The following OR7C1 variants were observed in gnomAD, a reference collection of about 807,000 sequenced individuals.
OR7C1 encodes olfactory receptor family 7 subfamily C member 1, also known as olfactory receptor 7C1.
For synonymous variants in OR7C1, 152 were observed against 160.7 expected, an observed-to-expected ratio of 0.95 and a Z score of 0.41; for missense variants, 324 against 383.3, an observed-to-expected ratio of 0.85 and a Z score of 1.29.
intron 1 of OR7C1, among the ~76,000 whole-genome samples, chr19:14,818,062 T>TTTTATTTTA (rs1555695178): frequency 0.12 from 16,628 of 139,312 alleles, 1,153 homozygotes; most frequent in East Asian, 0.32. Flanking sequence ...ATTTTATTTA[T>TTTTATTTTA]TTTATTTATT....
At chr19:14,824,424 T>G (rs971213938) in intron 1 of OR7C1, 3 of 152,238 alleles carry the variant, frequency 2.0e-5, no homozygotes, top group African/African-American at 7.2e-5. Flanking sequence ...CCCAACTTTA[T>G]GTCCGTGTGT....
At chr19:14,799,356 T>C in exon 5 of OR7C1, 2 of 1,614,112 alleles carry the variant, frequency 1.2e-6, no homozygotes, top group Middle Eastern at 1.6e-4. Flanking sequence ...GCTGCAGAAC[T>C]GAGATAGACC....
Position 14,834,400 on chromosome 19 carries a change from A to G in OR7C1, c.-623+674T>C, listed in dbSNP as rs541126758. 1.2e-4 allele frequency among the ~76,000 whole-genome samples: 19 copies of G among 152,326 alleles called. 1 individual carries two copies. In the South Asian group the frequency reaches 3.9e-3, roughly 32 times the overall value. ...CTGGGCTAGATCACTCTCTTTGATAAAGTCTATCCTATACACTGTGAGTTG... is the reference window on the plus strand; with the variant it reads ...CTGGGCTAGATCACTCTCTTTGATAGAGTCTATCCTATACACTGTGAGTTG... On this transcript the variant is annotated intron_variant, in intron 1 of 4. Coordinates refer to ENST00000641666, the Ensembl canonical transcript of OR7C1.
exon 5 of OR7C1, chr19:14,798,949 G>A (rs1449080992): frequency 4.4e-6 from 2 of 449,966 alleles, no homozygotes; most frequent in Non-Finnish European, 7.4e-6. Flanking sequence ...TTTTCAGGCT[G>A]TTCTTTGTTA....
At chr19:14,816,740 A>G (rs894608169) in intron 1 of OR7C1, among the ~76,000 whole-genome samples, 2 of 152,188 alleles carry the variant, frequency 1.3e-5, no homozygotes, top group Admixed American at 6.5e-5. Context: ...CACTTCATAT[A>G]TATATCTATC....
At chr19:14,814,968 C>CCGGCAAGCATTAAGTCACA (rs2044709633) in intron 1 of OR7C1, among the ~76,000 whole-genome samples, 1 of 152,140 alleles carries the variant, frequency 6.6e-6, no homozygotes, top group Non-Finnish European at 1.5e-5. Flanking sequence ...AACGCCATGC[C>CCGGCAAGCATTAAGTCACA]CGGCAAGCAT....
intron 1 of OR7C1, among the ~76,000 whole-genome samples, chr19:14,812,867 C>G (rs562249193): frequency 6.6e-6 from 1 of 151,396 alleles, no homozygotes; most frequent in Non-Finnish European, 1.5e-5. Flanking sequence ...AGTTCAAGAC[C>G]GGCCTTGCCA....
At chr19:14,811,968 A>G (rs546165938) in intron 1 of OR7C1, among the ~76,000 whole-genome samples, 10 of 151,936 alleles carry the variant, frequency 6.6e-5, no homozygotes, top group African/African-American at 1.9e-4. Context: ...CCCCTGCACT[A>G]AGTTATTTAC....
chr19:14,832,551 C>G (rs974399875), intron 1 of OR7C1, among the ~76,000 whole-genome samples: 6 of 151,716 alleles, frequency 4.0e-5, no homozygotes, highest in Middle Eastern at 6.3e-3. Context: ...CTCAACCTCC[C>G]AAGTAGCTGG....
chr19:14,799,986 A>G, exon 5 of OR7C1: 2 of 1,614,110 alleles, frequency 1.2e-6, no homozygotes, highest in Non-Finnish European at 1.7e-6. Flanking sequence ...TGGGAGTCTG[A>G]GCATATGGCC....
At chr19:14,828,285 C>G (rs201380372) in intron 1 of OR7C1, 1 of 1,563,402 alleles carries the variant, frequency 6.4e-7, no homozygotes, top group Non-Finnish European at 8.7e-7. Context: ...AAGAGGGAAA[C>G]GAGACAGGCA....
intron 1 of OR7C1, among the ~76,000 whole-genome samples, chr19:14,829,477 A>T (rs946668041): frequency 6.6e-6 from 1 of 152,210 alleles, no homozygotes; most frequent in South Asian, 2.1e-4. Flanking sequence ...TGCTGGGATT[A>T]TAGGCATGAG....
intron 1 of OR7C1, among the ~76,000 whole-genome samples, chr19:14,820,740 T>C (rs897752186): frequency 1.3e-5 from 2 of 152,172 alleles, no homozygotes; most frequent in Non-Finnish European, 2.9e-5. Flanking sequence ...AGGTAAGTCA[T>C]ATGAAGAAAA....
intron 1 of OR7C1, among the ~76,000 whole-genome samples, chr19:14,833,367 T>C (rs1359376555): frequency 6.6e-6 from 1 of 152,202 alleles, no homozygotes; most frequent in Non-Finnish European, 1.5e-5. Flanking sequence ...CAGTCCAAGC[T>C]ACTCAGGAGG....
intron 1 of OR7C1, among the ~76,000 whole-genome samples, chr19:14,812,840 G>A (rs1207422809): frequency 6.6e-6 from 1 of 151,884 alleles, no homozygotes; most frequent in Non-Finnish European, 1.5e-5. Context: ...GAGGCGGGTG[G>A]ATCACTTGAG....
intron 1 of OR7C1, chr19:14,827,829 G>A (rs780497335): frequency 6.2e-7 from 1 of 1,614,144 alleles, no homozygotes; most frequent in South Asian, 1.1e-5. Context: ...ACAGAGGTGA[G>A]GGTTCATAAT....
chr19:14,803,332 G>C (rs1391097244), intron 2 of OR7C1, among the ~76,000 whole-genome samples: 1 of 136,344 alleles, frequency 7.3e-6, no homozygotes. Flanking sequence ...AAAAAGAAAA[G>C]ATTGGTTGGA....
At chr19:14,805,902 C>G (rs1189337964) in intron 2 of OR7C1, among the ~76,000 whole-genome samples, 1 of 151,916 alleles carries the variant, frequency 6.6e-6, no homozygotes, top group Non-Finnish European at 1.5e-5. Flanking sequence ...AAAATTACAA[C>G]AGTTCTGGGA....
In OR7C1 at chr19:14,800,288, A is replaced by G. The variant is rs8108750; in HGVS notation, c.-46T>C. ...TTGCTGTCTTTTTCTGGGGCATCTG[A>G]AATTCTTCCATCCTTTTCTTTGCTA... On this transcript the variant is annotated 5_prime_UTR_variant, in exon 4 of 5. Transcript: ENST00000641666. 0.011 allele frequency: 8,803 copies of G among 819,602 alleles called. 532 individuals carry two copies. In the African/African-American group the frequency reaches 0.13, roughly 12 times the overall value. The allele number at this position is 819,602 out of a possible 1,614,324, so 50.8% of individuals were successfully genotyped here. A position where few individuals can be genotyped will look rare whatever the true frequency, so the allele number is the denominator to read the frequency against.
Sources: allele counts gnomAD v4.1 joint callset (sites outside exome capture counted in the v4.1 genomes callset), GRCh38; gene constraint gnomAD v4.1.1; transcripts MANE v1.5; gene names NCBI Gene and HGNC (gene_info 2026-07-23, HGNC 2026-07-21).